The following ROBO1 variants were observed in gnomAD, a reference collection of about 807,000 sequenced individuals.
ROBO1 encodes the protein roundabout guidance receptor 1.
In ROBO1, 149 loss-of-function variants were observed where a neutral mutation model predicts 195.9. That is an observed-to-expected ratio of 0.76 (90% CI 0.67 to 0.87). The LOEUF is 0.87. Among genes scored for constraint, ROBO1 ranks in the 40% least tolerant of loss-of-function variants. The probability of loss-of-function intolerance (pLI) is 0.00; values close to 1 mark genes in which losing one functional copy is unlikely to be tolerated. For synonymous variants in ROBO1, 816 were observed against 733.2 expected (o/e 1.11, Z -1.82); for missense variants, 1,933 against 2,068.3 (o/e 0.93, Z 1.27).
chr3:79,479,351 C>G (rs894917625), intron 2 of ROBO1, among the ~76,000 whole-genome samples: 1 of 152,118 alleles, frequency 6.6e-6, no homozygotes, highest in Non-Finnish European at 1.5e-5. Flanking sequence ...CCCTCGCATG[C>G]GCACTTCACA....
At chr3:79,338,000 T>A (rs2109209995) in intron 2 of ROBO1, among the ~76,000 whole-genome samples, 1 of 152,298 alleles carries the variant, frequency 6.6e-6, no homozygotes, top group East Asian at 1.9e-4. Context: ...TTATGCCAAA[T>A]CAGCAAAACC....
Position 79,582,441 on chromosome 3 carries a change from T to C in ROBO1, c.88+7383A>G, listed in dbSNP as rs539458875. On this transcript the variant is annotated intron_variant, in intron 2 of 30. Coordinates refer to ENST00000464233, the MANE Select transcript of ROBO1 (RefSeq NM_002941.4). ...TAATTAGACAATTTGATGTGTAATT[T>C]GGTTTTTAATAGTTTTCATTCACAG... Among the ~76,000 whole-genome samples, 501 of 152,046 alleles carry C rather than the reference T, an allele frequency of 3.3e-3. 2 individuals carry two copies. Among genetic ancestry groups the C allele is most frequent in the African/African-American group, 0.011 (451 of 41,536 alleles).
intron 1 of ROBO1, among the ~76,000 whole-genome samples, chr3:79,663,631 T>A (rs1354102986): frequency 6.6e-6 from 1 of 152,014 alleles, no homozygotes; most frequent in Non-Finnish European, 1.5e-5. Flanking sequence ...TATAGGTGCA[T>A]GTTGCCATGC....
At chr3:79,279,083 G>A (rs565284601) in intron 2 of ROBO1, among the ~76,000 whole-genome samples, 1 of 151,956 alleles carries the variant, frequency 6.6e-6, no homozygotes, top group Non-Finnish European at 1.5e-5. Context: ...AGACTAGCCT[G>A]GCCAACATGT....
intron 2 of ROBO1, among the ~76,000 whole-genome samples, chr3:79,528,805 C>T (rs1331833421): frequency 1.3e-5 from 2 of 152,096 alleles, no homozygotes; most frequent in East Asian, 3.9e-4. Context: ...ATACGGTCAG[C>T]GATGCAGCTG....
intron 4 of ROBO1, among the ~76,000 whole-genome samples, chr3:78,861,949 A>C (rs1444931412): frequency 1.3e-5 from 2 of 152,208 alleles, no homozygotes; most frequent in African/African-American, 4.8e-5. Flanking sequence ...CAACAACCTA[A>C]GGGTAATGGA....
At chr3:78,994,233 G>T (rs1384378353) in intron 3 of ROBO1, among the ~76,000 whole-genome samples, 1 of 152,094 alleles carries the variant, frequency 6.6e-6, no homozygotes, top group African/African-American at 2.4e-5. Flanking sequence ...TTCCTCGACT[G>T]ATATCCAGGC....
intron 8 of ROBO1, among the ~76,000 whole-genome samples, chr3:78,704,407 CTA>C (rs1553706918): frequency 6.6e-6 from 1 of 152,028 alleles, no homozygotes; most frequent in Non-Finnish European, 1.5e-5. Flanking sequence ...ATAGTGAACT[CTA>C]TTTATGGAAA....
At chr3:78,698,931 C>T (rs964578495) in intron 8 of ROBO1, among the ~76,000 whole-genome samples, 6 of 152,080 alleles carry the variant, frequency 3.9e-5, no homozygotes, top group African/African-American at 1.4e-4. Context: ...CTAAGGAATC[C>T]ACAATTCAAA....
Position 79,402,136 on chromosome 3 carries a change from A to G in ROBO1, c.88+187688T>C, listed in dbSNP as rs1017039802. On this transcript the variant is annotated intron_variant, in intron 2 of 30. Coordinates refer to ENST00000464233, the MANE Select transcript of ROBO1 (RefSeq NM_002941.4). Reference sequence around the variant, plus strand: ...CAACGTAATTTTCTCTGCACTTATCATGGTATCATATGATTTATGTGAGAA... The same window carrying G: ...CAACGTAATTTTCTCTGCACTTATCGTGGTATCATATGATTTATGTGAGAA... 9.2e-5 allele frequency among the ~76,000 whole-genome samples: 14 copies of G among 152,064 alleles called. No homozygotes were observed. The South Asian group carries it at 2.3e-3, about 25-fold the overall frequency.
intron 2 of ROBO1, among the ~76,000 whole-genome samples, chr3:79,413,864 C>G (rs2037885103): frequency 6.6e-6 from 1 of 152,002 alleles, no homozygotes; most frequent in Non-Finnish European, 1.5e-5. Context: ...TTTATGAAAT[C>G]ACAGAGGAGA....
chr3:79,017,990 C>A (rs577915577), intron 3 of ROBO1, among the ~76,000 whole-genome samples: 2 of 152,272 alleles, frequency 1.3e-5, no homozygotes, highest in South Asian at 2.1e-4. Context: ...AGCCTGCGGG[C>A]CACAAGCTCC....
chr3:79,086,244 G>A (rs2034276929), intron 3 of ROBO1, among the ~76,000 whole-genome samples: 1 of 151,832 alleles, frequency 6.6e-6, no homozygotes, highest in South Asian at 2.1e-4. Flanking sequence ...TGGGCAACCA[G>A]ATGGGGAGGT....
chr3:79,516,784 A>C (rs1940963373), intron 2 of ROBO1, among the ~76,000 whole-genome samples: 1 of 152,228 alleles, frequency 6.6e-6, no homozygotes, highest in Non-Finnish European at 1.5e-5. Context: ...ACAATCTTGA[A>C]TATATATTAA....
chr3:79,365,500 T>G (rs1237853925), intron 2 of ROBO1, among the ~76,000 whole-genome samples: 2 of 152,148 alleles, frequency 1.3e-5, no homozygotes, highest in Admixed American at 6.5e-5. Flanking sequence ...CCTAACTTCA[T>G]GAATAAGTAA....
At chr3:78,762,752 ATTAC>A (rs1559829006) in intron 4 of ROBO1, among the ~76,000 whole-genome samples, 4 of 152,210 alleles carry the variant, frequency 2.6e-5, no homozygotes, top group East Asian at 1.9e-4. Flanking sequence ...CATATTAAGG[ATTAC>A]TTAATTTATT....
At chr3:78,923,502 T>A (rs1381002109) in intron 4 of ROBO1, among the ~76,000 whole-genome samples, 1 of 152,076 alleles carries the variant, frequency 6.6e-6, no homozygotes, top group Non-Finnish European at 1.5e-5. Context: ...TTCAGCTGAA[T>A]CAGAGAAAAA....
chr3:78,647,834 G>A (rs1032703111), intron 19 of ROBO1, among the ~76,000 whole-genome samples, 179 bp from the exon 20 acceptor site: 6 of 152,136 alleles, frequency 3.9e-5, no homozygotes, highest in Middle Eastern at 3.4e-3. Context: ...AAAGAAGCTT[G>A]TCTCTACAGG....
intron 2 of ROBO1, among the ~76,000 whole-genome samples, chr3:79,520,939 C>T (rs1941182077): frequency 6.6e-6 from 1 of 151,988 alleles, no homozygotes; most frequent in Non-Finnish European, 1.5e-5. Context: ...ACACTTGAAT[C>T]AATGTAGAGA....
Sources: gnomAD v4.1 joint callset for allele counts (sites outside exome capture counted in the v4.1 genomes callset) on GRCh38, gnomAD v4.1.1 for gene constraint, MANE v1.5 for transcripts, NCBI Gene and HGNC (gene_info 2026-07-23, HGNC 2026-07-21) for gene names.